Variants in ZNF618 observed in about 807,000 individuals in gnomAD.
The protein encoded by ZNF618 is zinc finger protein 618.
A neutral mutation model predicts 103.0 loss-of-function variants in ZNF618; 34 were observed. The ratio of observed to expected loss-of-function variants is 0.33; its 90% CI spans 0.25 to 0.44. ZNF618 has a LOEUF of 0.44. Among genes scored for constraint, ZNF618 ranks in the 20% least tolerant of loss-of-function variants. The pLI is 1.00. For missense variants in ZNF618, 1,059 were observed against 1,295.4 expected (o/e 0.82, Z 2.80); for synonymous variants, 551 against 542.2 (o/e 1.02, Z -0.23).
intron 2 of ZNF618, among the ~76,000 whole-genome samples, chr9:113,973,515 C>T (rs914432432): frequency 2.0e-5 from 3 of 152,032 alleles, no homozygotes; most frequent in African/African-American, 2.4e-5. Flanking sequence ...AAGAAACAAC[C>T]GAATGTGGTT....
intron 1 of ZNF618, among the ~76,000 whole-genome samples, chr9:113,948,400 C>G (rs1293032479): frequency 6.6e-6 from 1 of 152,172 alleles, no homozygotes; most frequent in Non-Finnish European, 1.5e-5. Context: ...CTCTGGAAAT[C>G]CAGATCCTCA....
At chr9:113,986,708 C>T (rs1839518667) in intron 2 of ZNF618, among the ~76,000 whole-genome samples, 1 of 152,208 alleles carries the variant, frequency 6.6e-6, no homozygotes, top group Non-Finnish European at 1.5e-5. Context: ...TAGGGCTTCA[C>T]CATCTGAATT....
intron 1 of ZNF618, among the ~76,000 whole-genome samples, chr9:113,900,308 C>T (rs1830403750): frequency 6.6e-6 from 1 of 152,112 alleles, no homozygotes; most frequent in Non-Finnish European, 1.5e-5. Context: ...GTGATCTGCC[C>T]ACCTCGGCCT....
intron 1 of ZNF618, among the ~76,000 whole-genome samples, chr9:113,919,182 C>T (rs925782345): frequency 1.3e-5 from 2 of 152,058 alleles, no homozygotes; most frequent in South Asian, 4.1e-4. Flanking sequence ...AGCAGGCTGG[C>T]AGGAAAGTGA....
At chr9:113,966,948 T>G (rs981950986) in intron 1 of ZNF618, among the ~76,000 whole-genome samples, 1 of 152,224 alleles carries the variant, frequency 6.6e-6, no homozygotes, top group African/African-American at 2.4e-5. Flanking sequence ...GAAGCTGAAG[T>G]ATCATTCACT....
chr9:113,907,839 G>A (rs1831126050), intron 1 of ZNF618, among the ~76,000 whole-genome samples: 2 of 152,184 alleles, frequency 1.3e-5, no homozygotes, highest in East Asian at 3.9e-4. Flanking sequence ...CTTCCGATGG[G>A]GTTGTTTGAT....
intron 1 of ZNF618, among the ~76,000 whole-genome samples, chr9:113,916,240 C>T (rs1206034377): frequency 1.3e-5 from 2 of 151,868 alleles, no homozygotes; most frequent in Admixed American, 6.6e-5. Context: ...AAAATATGAC[C>T]GTGTTATATG....
chr9:113,882,157 A>G (rs1828584894), intron 1 of ZNF618, among the ~76,000 whole-genome samples: 1 of 152,156 alleles, frequency 6.6e-6, no homozygotes, highest in Non-Finnish European at 1.5e-5. Flanking sequence ...TCAGCAGGAA[A>G]TCCCCCCAGG....
At chr9:113,966,991 G>A (rs1050199373) in intron 1 of ZNF618, among the ~76,000 whole-genome samples, 2 of 152,216 alleles carry the variant, frequency 1.3e-5, no homozygotes, top group Admixed American at 1.3e-4. Context: ...GAGATTATTA[G>A]GCATGCTGAA....
Position 114,028,919 on chromosome 9 carries a change from C to T in ZNF618, c.1031C>T (p.Thr344Ile), listed in dbSNP as rs562155155. 6.4e-7 allele frequency: 1 copy of T among 1,550,810 alleles called. No individual in the cohort carries two copies. Among genetic ancestry groups the T allele is most frequent in the Non-Finnish European group, 8.7e-7 (1 of 1,147,016 alleles). Residue 344 changes from threonine to isoleucine, a missense_variant, in exon 11 of 15, where the codon ACC becomes ATC. Thr to Ile is a moderately conservative substitution (Grantham distance 89). Transcript: ENST00000374126. ...LLHRTPPATQ[T>I]QTFRTPNSGS... ...CACCGCACCCCTCCAGCCACCCAAA[C>T]CCAGACGTTCCGCACTCCAAATTCG...
chr9:113,917,440 G>C (rs959252786), intron 1 of ZNF618, among the ~76,000 whole-genome samples: 1 of 151,234 alleles, frequency 6.6e-6, no homozygotes, highest in Non-Finnish European at 1.5e-5. Context: ...CTTTTGTAGA[G>C]GCGGGATTTT....
chr9:113,954,657 C>T (rs1217679454), intron 1 of ZNF618, among the ~76,000 whole-genome samples: 1 of 152,202 alleles, frequency 6.6e-6, no homozygotes, highest in Non-Finnish European at 1.5e-5. Context: ...TCTGGAGTTT[C>T]CTATCTGAAC....
At chr9:113,916,866 C>A (rs1832141484) in intron 1 of ZNF618, among the ~76,000 whole-genome samples, 1 of 152,218 alleles carries the variant, frequency 6.6e-6, no homozygotes, top group South Asian at 2.1e-4. Flanking sequence ...GGAAGACAGT[C>A]TCCAGCAATG....
Position 114,049,805 on chromosome 9 carries a change from G to C in ZNF618, c.2503G>C (p.Glu835Gln), listed in dbSNP as rs1214049575. 6.2e-7 allele frequency: 1 copy of C among 1,614,020 alleles called. No homozygotes were observed. The highest frequency in any genetic ancestry group is 1.3e-5 in the African/African-American group (1 of 75,080). Reference sequence around the variant, plus strand: ...CGGCAAGGTCTGTGAGCTCATCAACGAGGTGAAGGAGTCCTGGGCCGAGGA... The same window carrying C: ...CGGCAAGGTCTGTGAGCTCATCAACCAGGTGAAGGAGTCCTGGGCCGAGGA... ...IIGKVCELIN[E>Q]VKESWAEEAD... is the part of the protein sequence containing the mutation. The change falls in exon 15 of 15, where the codon GAG (glutamate) becomes CAG (glutamine). Residue 835 changes from glutamate to glutamine, a missense_variant. By Grantham distance (29) the Glu-to-Gln change is conservative. This residue lies in a region of ZNF618 where 156 missense variants were observed against 197.1 expected (regional missense o/e 0.79). Transcript: ENST00000374126.
At chr9:113,890,285 A>G (rs1331229679) in intron 1 of ZNF618, among the ~76,000 whole-genome samples, 4 of 152,260 alleles carry the variant, frequency 2.6e-5, no homozygotes, top group Non-Finnish European at 5.9e-5. Flanking sequence ...AAATGCCGAG[A>G]TAACCGCCCT....
At chr9:114,035,266 A>C in intron 12 of ZNF618, 1 of 985,526 alleles carries the variant, frequency 1.0e-6, no homozygotes, top group Non-Finnish European at 1.2e-6. Context: ...GGGGCTGGAG[A>C]GGGCAAGGCA....
At chr9:113,957,364 G>A (rs944741135) in intron 1 of ZNF618, among the ~76,000 whole-genome samples, 2 of 152,110 alleles carry the variant, frequency 1.3e-5, no homozygotes, top group South Asian at 2.1e-4. Flanking sequence ...AGGATGTATC[G>A]AGCTACTAAG....
At chr9:113,990,099 G>C (rs1588256604) in intron 3 of ZNF618, among the ~76,000 whole-genome samples, 1 of 152,116 alleles carries the variant, frequency 6.6e-6, no homozygotes, top group South Asian at 2.1e-4. Flanking sequence ...GTATGCTGTT[G>C]CCTCTCCCAG....
At position 114,047,986 on chromosome 9, in the gene ZNF618, C is replaced by T. The variant is rs974810349; in HGVS notation, c.1340C>T (p.Ala447Val). 3.2e-6 allele frequency: 5 copies of T among 1,584,588 alleles called. No homozygotes were observed. Among genetic ancestry groups the T allele is most frequent in the African/African-American group, 1.3e-5 (1 of 74,150 alleles). Residue 447 changes from alanine to valine, a missense_variant, in exon 14 of 15, where the codon GCC (alanine) becomes GTC (valine). Physicochemically the swap from Ala to Val is moderately conservative, Grantham distance 64 (BLOSUM62 0). Transcript: ENST00000374126. ...AAACCTCAGGCCCAGAGGAACAGTG[C>T]CAATAACAGTAGGTCTCCCCAAGCA... ...KWKPQAQRNS[A>V]NNTTTSGLTP...
Sources: allele counts gnomAD v4.1 joint callset (sites outside exome capture counted in the v4.1 genomes callset), GRCh38; gene constraint gnomAD v4.1.1; regional missense constraint gnomAD v4.1.1; transcripts MANE v1.5; gene names NCBI Gene and HGNC (gene_info 2026-07-23, HGNC 2026-07-21).